The following TNFAIP6 variants were observed in gnomAD, a reference collection of about 807,000 sequenced individuals.
The protein encoded by TNFAIP6 is TNF alpha induced protein 6, also known as tumor necrosis factor-inducible gene 6 protein.
Under a neutral mutation model 33.7 loss-of-function variants are expected in TNFAIP6, and 36 were observed. The observed-to-expected ratio is 1.07, with a 90% CI of 0.82 to 1.41. The LOEUF is 1.41. Among genes scored for constraint, TNFAIP6 ranks in the 40% most tolerant of loss-of-function variants. The pLI is 0.00. For synonymous variants in TNFAIP6, 113 were observed against 112.8 expected, an observed-to-expected ratio of 1.00 and a Z score of -0.01; for missense variants, 273 against 331.9, an observed-to-expected ratio of 0.82 and a Z score of 1.38.
chr2:151,363,622 A>T (rs1025053721), intron 1 of TNFAIP6, among the ~76,000 whole-genome samples: 4 of 152,172 alleles, frequency 2.6e-5, no homozygotes, highest in Non-Finnish European at 4.4e-5. Flanking sequence ...AGATCGCGCC[A>T]CTGCACTCCA....
rs1378546597 is a variant in TNFAIP6 at position 151,358,050 on chromosome 2, T to C, written c.94+290T>C. ...TTTAAACTTTTCAAAGCAGATGTAG[T>C]AGTACAGTGAGGAGTATTTCTTTAA... On this transcript the variant is annotated intron_variant, in intron 1 of 5. Coordinates refer to ENST00000243347, the MANE Select transcript of TNFAIP6 (RefSeq NM_007115.4). Among the ~76,000 whole-genome samples the C allele has an allele frequency of 1.8e-4, 27 of 152,212 alleles. 1 individual carries two copies. The highest frequency in any genetic ancestry group is 1.8e-3 in the Admixed American group (27 of 15,276).
intron 5 of TNFAIP6, 85 bp downstream of exon 5, chr2:151,373,674 T>C: frequency 1.5e-6 from 1 of 675,220 alleles, no homozygotes; most frequent in Non-Finnish European, 2.3e-6. Flanking sequence ...AAATAGTAAA[T>C]AGTAGTTATT....
rs1264066329 is a variant in TNFAIP6 at position 151,364,003 on chromosome 2, C to T, written c.155C>T (p.Ala52Val). Residue 52 changes from alanine (A) to valine (V), a missense_variant, in exon 2 of 6, where the codon GCA (alanine) becomes GTA (valine). Transcript: ENST00000243347. ...TCTGGCAAATACAAGCTCACCTACG[C>T]AGAAGCTAAGGCGGTGTGTGAATTT... ...ARSGKYKLTY[A>V]EAKAVCEFEG... The T allele has an allele frequency of 7.4e-6, 12 of 1,614,090 alleles. No homozygotes were observed. Among genetic ancestry groups the T allele is most frequent in the Non-Finnish European group, 1.0e-5 (12 of 1,179,994 alleles).
intron 1 of TNFAIP6, among the ~76,000 whole-genome samples, chr2:151,358,672 C>G (rs2093627478): frequency 6.6e-6 from 1 of 152,150 alleles, no homozygotes; most frequent in African/African-American, 2.4e-5. Flanking sequence ...GCTTTCTAAA[C>G]AGCACAGTTG....
At chr2:151,372,856 G>T (rs1025689587) in intron 4 of TNFAIP6, among the ~76,000 whole-genome samples, 3 of 152,028 alleles carry the variant, frequency 2.0e-5, no homozygotes, top group Admixed American at 6.6e-5. Context: ...GGAGGCAGAG[G>T]TTGCAGTGAG....
intron 3 of TNFAIP6, among the ~76,000 whole-genome samples, 163 bp downstream of exon 3, chr2:151,366,380 T>C (rs1684710412): frequency 6.6e-6 from 1 of 152,210 alleles, no homozygotes; most frequent in Non-Finnish European, 1.5e-5. Context: ...TACCCGACAT[T>C]GAGTTGTGTT....
At chr2:151,358,173 T>G (rs1684566877) in intron 1 of TNFAIP6, among the ~76,000 whole-genome samples, 1 of 152,202 alleles carries the variant, frequency 6.6e-6, no homozygotes, top group Non-Finnish European at 1.5e-5. Flanking sequence ...TACGAAAATT[T>G]TATAATAATT....
Position 151,366,158 on chromosome 2 carries a change from A to C in TNFAIP6, c.335A>C (p.Asp112Ala). The change falls in exon 3 of 6, where the codon GAT becomes GCT. Residue 112 changes from aspartate to alanine, a missense_variant. Physicochemically the swap from Asp to Ala is moderately radical, Grantham distance 126 (BLOSUM62 -2). Coordinates refer to ENST00000243347, the MANE Select transcript of TNFAIP6 (RefSeq NM_007115.4). ...GGATTTGGAAAAACTGGCATTATTGATTATGGAATCCGTCTCAATAGGAGT... is the reference window on the plus strand; with the variant it reads ...GGATTTGGAAAAACTGGCATTATTGCTTATGGAATCCGTCTCAATAGGAGT... ...NCGFGKTGII[D>A]YGIRLNRSER... 6.2e-7 allele frequency: 1 copy of C among 1,614,182 alleles called. No homozygotes were observed.
intron 5 of TNFAIP6, 110 bp downstream of exon 5, chr2:151,373,699 G>C: frequency 2.2e-6 from 1 of 446,816 alleles, no homozygotes; most frequent in Non-Finnish European, 3.8e-6. Flanking sequence ...ACTTTTTAAA[G>C]TTGAAAGAAC....
At chr2:151,359,747 C>T (rs542227706) in intron 1 of TNFAIP6, among the ~76,000 whole-genome samples, 1 of 152,246 alleles carries the variant, frequency 6.6e-6, no homozygotes, top group East Asian at 1.9e-4. Context: ...CATTCAAAGC[C>T]GTCCTGGCAG....
chr2:151,365,641 A>C (rs1684696541), intron 2 of TNFAIP6, among the ~76,000 whole-genome samples: 1 of 152,184 alleles, frequency 6.6e-6, no homozygotes, highest in Non-Finnish European at 1.5e-5. Flanking sequence ...TCTGTCTCAA[A>C]AAATAGATAA....
intron 3 of TNFAIP6, among the ~76,000 whole-genome samples, chr2:151,367,953 C>T (rs1167358967): frequency 6.6e-6 from 1 of 151,726 alleles, no homozygotes; most frequent in Non-Finnish European, 1.5e-5. Flanking sequence ...ATAGATGAGG[C>T]AGTAACTAGA....
downstream of TNFAIP6, among the ~76,000 whole-genome samples, chr2:151,380,893 A>G (rs532075389): frequency 5.9e-5 from 9 of 152,310 alleles, no homozygotes; most frequent in East Asian, 1.7e-3. Flanking sequence ...GACCTCCTAT[A>G]ACTTTTATTT....
At chr2:151,362,917 T>A (rs1390681448) in intron 1 of TNFAIP6, among the ~76,000 whole-genome samples, 1 of 152,256 alleles carries the variant, frequency 6.6e-6, no homozygotes, top group African/African-American at 2.4e-5. Flanking sequence ...CCTCCTTTTC[T>A]TTCCCCTATT....
chr2:151,371,017 G>A (rs1684807808), intron 4 of TNFAIP6, among the ~76,000 whole-genome samples: 1 of 151,794 alleles, frequency 6.6e-6, no homozygotes, highest in Admixed American at 6.6e-5. Flanking sequence ...GTTGCAGTGA[G>A]CCAAGACTGC....
At chr2:151,368,796 T>C (rs1014481414) in intron 3 of TNFAIP6, among the ~76,000 whole-genome samples, 3 of 152,182 alleles carry the variant, frequency 2.0e-5, no homozygotes, top group Admixed American at 2.0e-4. Context: ...TCCATTATTC[T>C]AAGTGCTTGT....
At position 151,378,436 on chromosome 2, in the gene TNFAIP6, C is replaced by T. The variant is rs1437097958; in HGVS notation, c.665-928C>T. On this transcript the variant is annotated intron_variant, in intron 5 of 5. Transcript: ENST00000243347. ...CTCATCCACCCATCGCTGGTTTGAC[C>T]TGCCCTGCCATTCTCCTGTAATTCT... is the stretch of plus-strand genomic sequence containing the variant. 2.6e-5 allele frequency among the ~76,000 whole-genome samples: 4 copies of T among 151,930 alleles called. No individual in the cohort carries two copies. The East Asian group carries it at 7.8e-4, about 30-fold the overall frequency.
At chr2:151,377,318 C>T (rs913893750) in intron 5 of TNFAIP6, among the ~76,000 whole-genome samples, 25 of 151,892 alleles carry the variant, frequency 1.6e-4, no homozygotes, top group Non-Finnish European at 2.6e-4. Flanking sequence ...TACAGGCACC[C>T]GCCACCACGC....
At chr2:151,362,964 A>G (rs920563746) in intron 1 of TNFAIP6, among the ~76,000 whole-genome samples, 2 of 152,130 alleles carry the variant, frequency 1.3e-5, no homozygotes, top group African/African-American at 4.8e-5. Context: ...CTTAAATCCA[A>G]CAGAAAGCCA....
Sources: gnomAD v4.1 joint callset for allele counts (sites outside exome capture counted in the v4.1 genomes callset) on GRCh38, gnomAD v4.1.1 for gene constraint, MANE v1.5 for transcripts, NCBI Gene and HGNC (gene_info 2026-07-23, HGNC 2026-07-21) for gene names.